Variants in MACROD2 observed in about 807,000 individuals in gnomAD.
The protein encoded by MACROD2 is ADP-ribose glycohydrolase MACROD2.
A neutral mutation model predicts 70.4 loss-of-function variants in MACROD2; 36 were observed. The observed-to-expected ratio is 0.51, with a 90% confidence interval of 0.39 to 0.68. MACROD2 has a LOEUF of 0.68. Ranked by LOEUF, MACROD2 falls within the 30% of genes least tolerant of loss-of-function variation. The pLI, the probability that MACROD2 is intolerant of heterozygous loss-of-function variation, is 0.00. For missense variants in MACROD2, 496 were observed against 538.4 expected (o/e 0.92, Z 0.78); for synonymous variants, 172 against 178.8 (o/e 0.96, Z 0.30).
At chr20:15,248,442 C>A (rs746234568) in intron 6 of MACROD2, among the ~76,000 whole-genome samples, 2 of 152,128 alleles carry the variant, frequency 1.3e-5, no homozygotes, top group Non-Finnish European at 2.9e-5. Flanking sequence ...CTGGCTTAAA[C>A]CCTCTGTGAC....
chr20:15,706,708 G>A (rs2050537759), intron 8 of MACROD2, among the ~76,000 whole-genome samples: 1 of 152,158 alleles, frequency 6.6e-6, no homozygotes, highest in African/African-American at 2.4e-5. Context: ...CACACTAATA[G>A]GGGATGAAAA....
chr20:14,564,576 C>A (rs1271103425), intron 4 of MACROD2, among the ~76,000 whole-genome samples: 1 of 151,846 alleles, frequency 6.6e-6, no homozygotes, highest in African/African-American at 2.4e-5. Context: ...GACATACAAG[C>A]ACCCAACAAA....
chr20:14,548,472 A>G (rs1459864703), intron 4 of MACROD2, among the ~76,000 whole-genome samples: 1 of 14,774 alleles, frequency 6.8e-5, no homozygotes, highest in African/African-American at 1.4e-4. Flanking sequence ...TAATCCCAGC[A>G]CTTTGGGAGG....
chr20:15,465,402 G>T (rs1384893967), intron 7 of MACROD2, among the ~76,000 whole-genome samples: 1 of 152,226 alleles, frequency 6.6e-6, no homozygotes, highest in South Asian at 2.1e-4. Context: ...GTGATGATGG[G>T]GTACAGCTCT....
At chr20:15,961,040 G>T (rs1253600700) in intron 12 of MACROD2, among the ~76,000 whole-genome samples, 1 of 152,058 alleles carries the variant, frequency 6.6e-6, no homozygotes, top group Admixed American at 6.6e-5. Flanking sequence ...CCCCAAATTG[G>T]ATTTAATTAG....
intron 8 of MACROD2, among the ~76,000 whole-genome samples, chr20:15,626,786 T>C (rs1452315067): frequency 6.6e-6 from 1 of 152,036 alleles, no homozygotes; most frequent in East Asian, 1.9e-4. Flanking sequence ...ACCCAGGAGA[T>C]GGAGGTTGCA....
At chr20:15,296,977 G>T (rs1206322685) in intron 6 of MACROD2, among the ~76,000 whole-genome samples, 2 of 152,234 alleles carry the variant, frequency 1.3e-5, no homozygotes, top group African/African-American at 4.8e-5. Flanking sequence ...TTTTCCCAGC[G>T]TAGTAAATTG....
At chr20:15,251,054 A>G (rs1043639778) in intron 6 of MACROD2, among the ~76,000 whole-genome samples, 9 of 152,198 alleles carry the variant, frequency 5.9e-5, no homozygotes, top group Admixed American at 4.6e-4. Flanking sequence ...CATTGTGAGA[A>G]CAGAAAGGAT....
At chr20:14,514,980 G>A (rs2085075316) in intron 4 of MACROD2, among the ~76,000 whole-genome samples, 1 of 152,062 alleles carries the variant, frequency 6.6e-6, no homozygotes. Context: ...ACAACTAGAA[G>A]TGTAGGCTGT....
In MACROD2 at chr20:15,714,561, T is replaced by C. The variant is rs923978769; in HGVS notation, c.646-148184T>C. Among the ~76,000 whole-genome samples, 6 of 152,282 alleles carry C rather than the reference T, an allele frequency of 3.9e-5. No individual in the cohort carries two copies. In the South Asian group the frequency reaches 6.2e-4, roughly 16 times the overall value. ...AGCTGGGTAGTTGCTTAACGAGATA[T>C]AGAGCTTTTAGGCTTGATTAGGGTC... On this transcript the variant is annotated intron_variant, in intron 8 of 17. Transcript: ENST00000684519.
At position 15,785,151 on chromosome 20, in the gene MACROD2, CAAAAA is replaced by C. The variant is rs398035431; in HGVS notation, c.646-77578_646-77574del. Among the ~76,000 whole-genome samples the C allele has an allele frequency of 3.4e-3, 351 of 103,602 alleles. 3 individuals are homozygous for C. The highest frequency in any genetic ancestry group is 0.011 in the African/African-American group (326 of 30,416). 68.0% of individuals were successfully genotyped at this position (103,602 alleles called of 152,430 possible). On this transcript the variant is annotated intron_variant, in intron 8 of 17. Transcript: ENST00000684519. ...TGGGTGACAGAGCGAGACTCCGTCT[CAAAAA>C]AAAAAAAAAAAAAAATTAAAAAAAA... is the stretch of plus-strand genomic sequence containing the variant.
chr20:14,522,757 G>A (rs2085183360), intron 4 of MACROD2, among the ~76,000 whole-genome samples: 1 of 152,154 alleles, frequency 6.6e-6, no homozygotes, highest in African/African-American at 2.4e-5. Context: ...TGTGGCTAGA[G>A]GCAATAAGAG....
At position 16,044,597 on chromosome 20, in the gene MACROD2, G is replaced by A. The variant is rs142040788; in HGVS notation, c.1258G>A (p.Val420Ile). The change falls in exon 17 of 18, where the codon GTA (valine) becomes ATA (isoleucine). Residue 420 changes from valine (V) to isoleucine (I), a missense_variant. Val to Ile is a conservative substitution (Grantham distance 29, BLOSUM62 3). Coordinates refer to ENST00000684519, the MANE Select transcript of MACROD2 (RefSeq NM_001351661.2). ...DVEMNSQVDK[V>I]NDPTESQQED... ...TGAAATGAATAGTCAGGTTGACAAG[G>A]TAAATGACCCAACAGAGAGTCAACA... 57 of 1,612,500 alleles carry A rather than the reference G, an allele frequency of 3.5e-5. No individual in the cohort carries two copies. In the African/African-American group the frequency reaches 6.8e-4, roughly 19 times the overall value.
In MACROD2 at chr20:14,386,421, A is replaced by G. The variant is rs112748201; in HGVS notation, c.272-107058A>G. Among the ~76,000 whole-genome samples, 7 of 152,316 alleles carry G rather than the reference A, an allele frequency of 4.6e-5. No individual in the cohort carries two copies. In the South Asian group the frequency reaches 1.5e-3, roughly 32 times the overall value. ...GGATATTTGTCCTCATGCAAATATC[A>G]TTTTAAAATGTAATCCCCAGTCTTG... On this transcript the variant is annotated intron_variant, in intron 3 of 17. Coordinates refer to ENST00000684519, the MANE Select transcript of MACROD2 (RefSeq NM_001351661.2).
At chr20:15,861,567 A>G (rs2064424532) in intron 8 of MACROD2, among the ~76,000 whole-genome samples, 5 of 152,332 alleles carry the variant, frequency 3.3e-5, no homozygotes, top group Admixed American at 2.0e-4. Context: ...TTTGATGATT[A>G]CAGGTTAGAA....
intron 5 of MACROD2, among the ~76,000 whole-genome samples, chr20:15,066,771 A>G (rs1286424300): frequency 6.6e-6 from 1 of 151,776 alleles, no homozygotes; most frequent in African/African-American, 2.4e-5. Flanking sequence ...AATTCCAGCT[A>G]CTCAGGAGGC....
At chr20:14,920,329 G>A (rs969846941) in intron 5 of MACROD2, among the ~76,000 whole-genome samples, 1 of 152,106 alleles carries the variant, frequency 6.6e-6, no homozygotes, top group African/African-American at 2.4e-5. Flanking sequence ...GGGTAAAATT[G>A]TTACAGAGGC....
At chr20:14,140,830 G>A (rs2054862855) in intron 3 of MACROD2, among the ~76,000 whole-genome samples, 1 of 152,092 alleles carries the variant, frequency 6.6e-6, no homozygotes, top group African/African-American at 2.4e-5. Flanking sequence ...CGAGAGAGAG[G>A]CAGCTGGTGG....
At chr20:14,055,507 C>CAAA (rs4052606) in intron 2 of MACROD2, among the ~76,000 whole-genome samples, 5,503 of 103,030 alleles carry the variant, frequency 0.053, 265 homozygotes, top group East Asian at 0.24. Flanking sequence ...GTTTCAGGAG[C>CAAA]AAAAAAAAAA....
Sources: allele counts gnomAD v4.1 joint callset (sites outside exome capture counted in the v4.1 genomes callset), GRCh38; gene constraint gnomAD v4.1.1; transcripts MANE v1.5; gene names NCBI Gene and HGNC (gene_info 2026-07-23, HGNC 2026-07-21).